DOCK4: variants seen among roughly 807,000 people sequenced by gnomAD.
The protein encoded by DOCK4 is dedicator of cytokinesis 4.
A neutral mutation model predicts 268.1 loss-of-function variants in DOCK4; 97 were observed. That is an observed-to-expected ratio of 0.36 (90% CI 0.31 to 0.43). The LOEUF (loss-of-function observed/expected upper bound fraction) is 0.43, where lower values mean the gene tolerates loss of function less well. Among genes scored for constraint, DOCK4 ranks in the 20% least tolerant of loss-of-function variants. The probability of loss-of-function intolerance (pLI) is 1.00; values close to 1 mark genes in which losing one functional copy is unlikely to be tolerated. For missense variants in DOCK4, 2,145 were observed against 2,455.7 expected (o/e 0.87, Z 2.67); for synonymous variants, 954 against 887.2 (o/e 1.08, Z -1.34).
intron 15 of DOCK4, among the ~76,000 whole-genome samples, chr7:111,900,019 T>C (rs576418069): frequency 2.7e-4 from 41 of 152,358 alleles, no homozygotes; most frequent in Non-Finnish European, 4.9e-4. Flanking sequence ...ATCTGAATAC[T>C]GTCTGAGAGA....
intron 16 of DOCK4, among the ~76,000 whole-genome samples, chr7:111,881,988 A>C (rs2134293143): frequency 6.6e-6 from 1 of 152,324 alleles, no homozygotes; most frequent in East Asian, 1.9e-4. Context: ...AAGAAGACAG[A>C]AAGAGTAAGA....
At chr7:112,183,793 C>T (rs1199286898) in intron 1 of DOCK4, among the ~76,000 whole-genome samples, 1 of 152,178 alleles carries the variant, frequency 6.6e-6, no homozygotes, top group African/African-American at 2.4e-5. Context: ...ATAGTGGTAA[C>T]ATTTATGGGA....
Position 111,842,497 on chromosome 7 carries a change from T to G in DOCK4, c.2736+2266A>C, listed in dbSNP as rs117219859. 6.6e-5 allele frequency among the ~76,000 whole-genome samples: 10 copies of G among 152,238 alleles called. No individual in the cohort carries two copies. The East Asian group carries it at 1.7e-3, about 26-fold the overall frequency. Reference sequence around the variant, plus strand: ...TCACCTGTTCACTGCAAAGGCTGAGTGAGGAGCCTAGACTTCCACCCTCAT... The same window carrying G: ...TCACCTGTTCACTGCAAAGGCTGAGGGAGGAGCCTAGACTTCCACCCTCAT... On this transcript the variant is annotated intron_variant, in intron 25 of 52. Transcript: ENST00000428084.
At chr7:111,735,846 T>C (rs1053901519) in intron 50 of DOCK4, among the ~76,000 whole-genome samples, 3 of 152,216 alleles carry the variant, frequency 2.0e-5, no homozygotes, top group African/African-American at 7.2e-5. Flanking sequence ...TTCCAGTGAC[T>C]CACTCCCTGT....
At chr7:111,951,661 A>G (rs1170541541) in intron 8 of DOCK4, among the ~76,000 whole-genome samples, 18 of 150,746 alleles carry the variant, frequency 1.2e-4, no homozygotes, top group Admixed American at 6.6e-4. Flanking sequence ...AAAAAAAAAA[A>G]AAGAAGAAGA....
intron 1 of DOCK4, among the ~76,000 whole-genome samples, chr7:112,153,837 A>G (rs1028892602): frequency 6.6e-6 from 1 of 152,246 alleles, no homozygotes; most frequent in African/African-American, 2.4e-5. Context: ...TGTGCAAGGC[A>G]TCATACCAGG....
At chr7:111,832,118 G>A (rs1802862496) in intron 26 of DOCK4, among the ~76,000 whole-genome samples, 1 of 152,188 alleles carries the variant, frequency 6.6e-6, no homozygotes, top group Non-Finnish European at 1.5e-5. Flanking sequence ...ATTCCAATAA[G>A]TATTATAAAG....
At chr7:111,741,757 C>A in intron 45 of DOCK4, 96 bp from the exon 46 acceptor site, 4 of 1,444,102 alleles carry the variant, frequency 2.8e-6, no homozygotes, top group Non-Finnish European at 2.8e-6. Context: ...ATCCTAATTG[C>A]CATCAAGTCT....
chr7:111,790,630 T>C, intron 30 of DOCK4, 25 bp from the exon 31 acceptor site: 1 of 1,558,684 alleles, frequency 6.4e-7, no homozygotes, highest in Non-Finnish European at 8.7e-7. Context: ...ATATTTGAGT[T>C]TCAATATATT....
At chr7:111,977,082 C>G in intron 8 of DOCK4, 50 bp downstream of exon 8, 1 of 1,593,134 alleles carries the variant, frequency 6.3e-7, no homozygotes, top group Non-Finnish European at 8.6e-7. Context: ...TCACAAATAT[C>G]CACCATTCTA....
chr7:112,019,752 T>A (rs1802153898), intron 1 of DOCK4, among the ~76,000 whole-genome samples: 1 of 152,370 alleles, frequency 6.6e-6, no homozygotes, highest in Non-Finnish European at 1.5e-5. Flanking sequence ...AATTTTTTAA[T>A]CACTGAGTTT....
At chr7:112,002,342 G>T (rs1274353065) in intron 2 of DOCK4, among the ~76,000 whole-genome samples, 6 of 152,084 alleles carry the variant, frequency 3.9e-5, no homozygotes, top group Non-Finnish European at 8.8e-5. Flanking sequence ...TCATAGAGAG[G>T]TCTCTGTCCA....
intron 1 of DOCK4, among the ~76,000 whole-genome samples, chr7:112,101,310 A>T (rs259309): frequency 0.32 from 49,208 of 152,194 alleles, 8,556 homozygotes; most frequent in Non-Finnish European, 0.39. Context: ...ACATCACTCA[A>T]AATGTCTTTT....
At chr7:112,184,973 T>C (rs1158584618) in intron 1 of DOCK4, among the ~76,000 whole-genome samples, 1 of 152,156 alleles carries the variant, frequency 6.6e-6, no homozygotes, top group Admixed American at 6.5e-5. Flanking sequence ...ATCATAATAA[T>C]TGCATGGTAG....
At chr7:111,774,524 G>A (rs915748778) in intron 36 of DOCK4, among the ~76,000 whole-genome samples, 5 of 152,030 alleles carry the variant, frequency 3.3e-5, no homozygotes, top group Admixed American at 2.6e-4. Context: ...AAGAGACGGG[G>A]AAATCACTTA....
chr7:111,878,323 G>A (rs567985569), intron 16 of DOCK4, among the ~76,000 whole-genome samples: 1 of 152,138 alleles, frequency 6.6e-6, no homozygotes, highest in African/African-American at 2.4e-5. Flanking sequence ...GATAAAAAAC[G>A]TAGTGATCAG....
intron 12 of DOCK4, among the ~76,000 whole-genome samples, chr7:111,916,211 G>A (rs369278853): frequency 9.2e-5 from 14 of 151,904 alleles, no homozygotes; most frequent in East Asian, 1.9e-4. Flanking sequence ...ACGTTCCTGC[G>A]CCAACACTTA....
At chr7:111,747,068 A>C (rs547847048) in intron 43 of DOCK4, among the ~76,000 whole-genome samples, 199 bp downstream of exon 43, 2 of 152,138 alleles carry the variant, frequency 1.3e-5, no homozygotes, top group Non-Finnish European at 2.9e-5. Context: ...TTATTATCCA[A>C]ATATAACATG....
chr7:112,060,684 T>C (rs1806310943), intron 1 of DOCK4, among the ~76,000 whole-genome samples: 1 of 152,158 alleles, frequency 6.6e-6, no homozygotes, highest in South Asian at 2.1e-4. Flanking sequence ...TGGATGAACC[T>C]TGAGAACATT....
Sources: allele counts gnomAD v4.1 joint callset (sites outside exome capture counted in the v4.1 genomes callset), GRCh38; gene constraint gnomAD v4.1.1; transcripts MANE v1.5; gene names NCBI Gene and HGNC (gene_info 2026-07-23, HGNC 2026-07-21).